Variants in CRYBG1 observed in about 807,000 individuals in gnomAD.
The protein encoded by CRYBG1 is crystallin beta-gamma domain containing 1.
CRYBG1 carries 139 observed loss-of-function variants against 189.2 expected under a neutral mutation model. That is an observed-to-expected ratio of 0.73 (90% CI 0.64 to 0.85). The LOEUF (loss-of-function observed/expected upper bound fraction) is 0.85. CRYBG1 is among the 40% of genes least tolerant of loss of function. The pLI, the probability that CRYBG1 is intolerant of heterozygous loss-of-function variation, is 0.00. For missense variants in CRYBG1, 2,611 were observed against 2,675.8 expected, an observed-to-expected ratio of 0.98 and a Z score of 0.53; for synonymous variants, 1,023 against 1,017.1, an observed-to-expected ratio of 1.01 and a Z score of -0.11.
intron 1 of CRYBG1, among the ~76,000 whole-genome samples, chr6:106,383,258 AG>A (rs1315502118): frequency 2.6e-5 from 4 of 152,214 alleles, no homozygotes; most frequent in African/African-American, 9.6e-5. Context: ...CAAATTTGAC[AG>A]ATCTGAGGTC....
At chr6:106,430,669 G>A (rs913129976) in intron 1 of CRYBG1, among the ~76,000 whole-genome samples, 1 of 151,900 alleles carries the variant, frequency 6.6e-6, no homozygotes, top group Non-Finnish European at 1.5e-5. Context: ...TCACATGTAT[G>A]GGGCCTCAGT....
At chr6:106,363,011 C>T (rs2787516) in intron 1 of CRYBG1, among the ~76,000 whole-genome samples, 100,700 of 151,370 alleles carry the variant, frequency 0.67, 33,664 homozygotes, top group African/African-American at 0.73. Flanking sequence ...TTTGGGAGGC[C>T]GAGACGGGCG....
chr6:106,465,608 A>G (rs1438740964), intron 2 of CRYBG1, among the ~76,000 whole-genome samples: 1 of 152,010 alleles, frequency 6.6e-6, no homozygotes, highest in Non-Finnish European at 1.5e-5. Flanking sequence ...AAAATGTTGT[A>G]CTGCTGGAAA....
intron 2 of CRYBG1, among the ~76,000 whole-genome samples, chr6:106,471,791 A>G (rs1772237492): frequency 7.0e-6 from 1 of 142,006 alleles, no homozygotes; most frequent in Non-Finnish European, 1.5e-5. Context: ...AGCATTCTTT[A>G]TGCCAGACAG....
At chr6:106,478,373 C>T (rs1003536221) in intron 2 of CRYBG1, among the ~76,000 whole-genome samples, 1 of 152,154 alleles carries the variant, frequency 6.6e-6, no homozygotes, top group African/African-American at 2.4e-5. Flanking sequence ...ATGACAGCTA[C>T]AATCTAGAAA....
At chr6:106,511,338 T>C in intron 2 of CRYBG1, 92 bp from the exon 3 acceptor site, 1 of 1,133,902 alleles carries the variant, frequency 8.8e-7, no homozygotes, top group Non-Finnish European at 1.2e-6. Context: ...CTCTGGTCTG[T>C]TATCATTTTG....
At chr6:106,522,286 G>A (rs1773628105) in intron 4 of CRYBG1, among the ~76,000 whole-genome samples, 1 of 152,160 alleles carries the variant, frequency 6.6e-6, no homozygotes, top group African/African-American at 2.4e-5. Flanking sequence ...AGCAATAGGT[G>A]TTTATCCTAT....
intron 2 of CRYBG1, among the ~76,000 whole-genome samples, chr6:106,507,777 A>G (rs1773162962): frequency 6.6e-6 from 1 of 152,166 alleles, no homozygotes; most frequent in Non-Finnish European, 1.5e-5. Context: ...GGTGTTCCTC[A>G]AAGATGTGAC....
At chr6:106,469,325 A>G (rs868022937) in intron 2 of CRYBG1, among the ~76,000 whole-genome samples, 7 of 152,206 alleles carry the variant, frequency 4.6e-5, no homozygotes, top group African/African-American at 1.7e-4. Context: ...TGCAGAGTAC[A>G]TATTACTGTA....
chr6:106,365,440 C>T lies in CRYBG1; in HGVS notation c.173+4359C>T, dbSNP rs187817768. On this transcript the variant is annotated intron_variant, in intron 1 of 21. Coordinates refer to ENST00000633556, the MANE Select transcript of CRYBG1 (RefSeq NM_001371242.2). ...AGACTCTGTCTCAAAAAAAGCAAAA[C>T]GAAACAAAACCAAAAAAAAAAAAAC... 3.3e-4 allele frequency among the ~76,000 whole-genome samples: 33 copies of T among 100,424 alleles called. No homozygotes were observed. In the East Asian group the frequency reaches 5.0e-3, roughly 15 times the overall value. 65.9% of individuals were successfully genotyped at this position (100,424 alleles called of 152,430 possible).
intron 1 of CRYBG1, among the ~76,000 whole-genome samples, chr6:106,391,121 G>A (rs1483156613): frequency 6.6e-6 from 1 of 152,154 alleles, no homozygotes; most frequent in Non-Finnish European, 1.5e-5. Flanking sequence ...AGGCTGGAGT[G>A]CACTGGCGTG....
intron 8 of CRYBG1, among the ~76,000 whole-genome samples, chr6:106,530,903 C>A (rs1356553805): frequency 1.3e-5 from 2 of 152,212 alleles, no homozygotes; most frequent in Non-Finnish European, 2.9e-5. Flanking sequence ...AAGACATTCA[C>A]TGAGATGCAG....
chr6:106,464,299 C>T (rs901082535), intron 2 of CRYBG1, among the ~76,000 whole-genome samples: 3 of 152,110 alleles, frequency 2.0e-5, no homozygotes, highest in African/African-American at 7.2e-5. Context: ...TCAAGACCAG[C>T]CTGACCAACA....
Position 106,555,822 on chromosome 6 carries a change from A to C in CRYBG1, c.5640A>C (p.Glu1880Asp). 6.2e-7 allele frequency: 1 copy of C among 1,614,188 alleles called. No homozygotes were observed. Among genetic ancestry groups the C allele is most frequent in the South Asian group, 1.1e-5 (1 of 91,086 alleles). ...CTGGTAATCAATACGTGTTGGAAGA[A>C]GGCCATTATCCTTGTCTGTCTGCAA... ...NFTGNQYVLE[E>D]GHYPCLSAMG... The change falls in exon 17 of 22, where the codon GAA becomes GAC. Residue 1880 changes from glutamate (E) to aspartate (D), a missense_variant. Transcript: ENST00000633556.
intron 1 of CRYBG1, among the ~76,000 whole-genome samples, chr6:106,434,183 A>G (rs1228574765): frequency 1.3e-5 from 2 of 152,004 alleles, no homozygotes; most frequent in African/African-American, 2.4e-5. Context: ...TGAGACAGAA[A>G]GAGAGAGAAA....
At chr6:106,421,442 G>A (rs1249385270) in intron 1 of CRYBG1, among the ~76,000 whole-genome samples, 1 of 152,146 alleles carries the variant, frequency 6.6e-6, no homozygotes, top group Non-Finnish European at 1.5e-5. Flanking sequence ...AGAAACCATA[G>A]TGTTTTATAT....
intron 9 of CRYBG1, 70 bp from the exon 10 acceptor site, chr6:106,541,515 CT>C: frequency 7.2e-7 from 1 of 1,393,864 alleles, no homozygotes; most frequent in Non-Finnish European, 1.0e-6. Context: ...TTACTGTAAA[CT>C]GCTATGGCTA....
chr6:106,375,397 G>A (rs1478336279), intron 1 of CRYBG1, among the ~76,000 whole-genome samples: 2 of 130,202 alleles, frequency 1.5e-5, no homozygotes, highest in African/African-American at 7.2e-5. Flanking sequence ...AAGTAAGTAA[G>A]TAAGTAAGTA....
chr6:106,402,671 G>A (rs12110814), intron 1 of CRYBG1, among the ~76,000 whole-genome samples: 1,881 of 151,714 alleles, frequency 0.012, 26 homozygotes, highest in African/African-American at 0.042. Flanking sequence ...AGATTTAAAC[G>A]TTAGACCTAA....
Sources: allele counts gnomAD v4.1 joint callset (sites outside exome capture counted in the v4.1 genomes callset), GRCh38; gene constraint gnomAD v4.1.1; transcripts MANE v1.5; gene names NCBI Gene and HGNC (gene_info 2026-07-23, HGNC 2026-07-21).